CPED1: variants seen among roughly 807,000 people sequenced by gnomAD.
CPED1 encodes cadherin like and PC-esterase domain containing 1.
In CPED1, 114 loss-of-function variants were observed where a neutral mutation model predicts 128.2. That is an observed-to-expected ratio of 0.89 (90% CI 0.76 to 1.04). The LOEUF is 1.04. CPED1 is among the 50% of genes least tolerant of loss of function. CPED1 has a pLI of 0.00. For missense variants in CPED1, 1,211 were observed against 1,207.1 expected, an observed-to-expected ratio of 1.00 and a Z score of -0.05; for synonymous variants, 462 against 426.7, an observed-to-expected ratio of 1.08 and a Z score of -1.02.
At chr7:121,222,247 T>C (rs1355587598) in intron 16 of CPED1, among the ~76,000 whole-genome samples, 1 of 152,206 alleles carries the variant, frequency 6.6e-6, no homozygotes, top group Non-Finnish European at 1.5e-5. Context: ...GTCAGGTTTG[T>C]CAAAAATCAG....
chr7:121,228,586 CAA>C (rs3068082), intron 16 of CPED1, among the ~76,000 whole-genome samples: 3 of 142,866 alleles, frequency 2.1e-5, no homozygotes, highest in African/African-American at 7.7e-5. Context: ...GGAGATTTCT[CAA>C]AAAAAAAAAA....
intron 22 of CPED1, among the ~76,000 whole-genome samples, chr7:121,292,595 C>T (rs1792731047): frequency 6.6e-6 from 1 of 152,042 alleles, no homozygotes; most frequent in Non-Finnish European, 1.5e-5. Flanking sequence ...GGAGAAGAGG[C>T]ATTCTGGTTT....
intron 16 of CPED1, among the ~76,000 whole-genome samples, chr7:121,202,965 A>G (rs1797433651): frequency 6.6e-6 from 1 of 152,048 alleles, no homozygotes; most frequent in Non-Finnish European, 1.5e-5. Flanking sequence ...TTTTTCTAGA[A>G]TTATTCCCTC....
At chr7:121,235,706 C>T (rs1247978308) in intron 16 of CPED1, among the ~76,000 whole-genome samples, 6 of 152,068 alleles carry the variant, frequency 3.9e-5, no homozygotes, top group Non-Finnish European at 8.8e-5. Context: ...GTTCCCATGA[C>T]ACATTCAGTA....
chr7:121,271,461 C>T, intron 22 of CPED1, 31 bp downstream of exon 22: 1 of 1,586,428 alleles, frequency 6.3e-7, no homozygotes, highest in Non-Finnish European at 8.6e-7. Context: ...AGTTTTATAG[C>T]TTTTGATCTT....
At chr7:121,122,205 A>T (rs1210799741) in intron 7 of CPED1, among the ~76,000 whole-genome samples, 3 of 134,614 alleles carry the variant, frequency 2.2e-5, no homozygotes, top group African/African-American at 8.5e-5. Context: ...CATTGGTGTG[A>T]TCTCGGATCA....
Position 121,236,747 on chromosome 7 carries a change from T to C in CPED1, c.2089T>C (p.Cys697Arg). 6.2e-7 allele frequency: 1 copy of C among 1,608,164 alleles called. No individual in the cohort carries two copies. Among genetic ancestry groups the C allele is most frequent in the Non-Finnish European group, 8.5e-7 (1 of 1,177,652 alleles). The part of the protein sequence containing the change: ...CGLLIHPEET[C>R]GLQPISSDYI... ...TTTGCTGATTCATCCAGAGGAAACC[T>C]GTGGGTTACAGCCTATTTCTTCTGA... The change falls in exon 17 of 23, where the codon TGT (cysteine) becomes CGT (arginine). Residue 697 changes from cysteine to arginine, a missense_variant. Transcript: ENST00000310396.
intron 22 of CPED1, among the ~76,000 whole-genome samples, chr7:121,272,804 T>A (rs1381863454): frequency 6.6e-6 from 1 of 152,112 alleles, no homozygotes; most frequent in Non-Finnish European, 1.5e-5. Flanking sequence ...TTGGCTCTGC[T>A]GAAGGCTCCT....
In CPED1 at chr7:121,119,530, A is replaced by G. The variant is rs182975328; in HGVS notation, c.919-4801A>G. Among the ~76,000 whole-genome samples the G allele has an allele frequency of 8.4e-3, 1,256 of 149,356 alleles. 5 individuals are homozygous for G. Among genetic ancestry groups the G allele is most frequent in the Non-Finnish European group, 0.013 (850 of 67,386 alleles). On this transcript the variant is annotated intron_variant, in intron 7 of 22. Coordinates refer to ENST00000310396, the MANE Select transcript of CPED1 (RefSeq NM_024913.5). ...GAGGTATTTGGGTTACTTCAGATTCATTTTAAGAGTTTTGGCCGGGCGCGG... is the reference window on the plus strand; with the variant it reads ...GAGGTATTTGGGTTACTTCAGATTCGTTTTAAGAGTTTTGGCCGGGCGCGG...
chr7:121,170,964 C>T (rs1024062632), intron 16 of CPED1, among the ~76,000 whole-genome samples: 1 of 151,822 alleles, frequency 6.6e-6, no homozygotes, highest in African/African-American at 2.4e-5. Context: ...GCAAGAGAAT[C>T]GCTTGAACCT....
At chr7:121,192,875 G>T (rs923602117) in intron 16 of CPED1, among the ~76,000 whole-genome samples, 1 of 152,006 alleles carries the variant, frequency 6.6e-6, no homozygotes, top group South Asian at 2.1e-4. Context: ...GTTTTCTGTT[G>T]AGGAGAAGCA....
chr7:120,990,659 CA>C (rs1255467688), intron 2 of CPED1, among the ~76,000 whole-genome samples: 1 of 151,880 alleles, frequency 6.6e-6, no homozygotes, highest in Non-Finnish European at 1.5e-5. Flanking sequence ...AAAATCCATG[CA>C]AAAAAGATCA....
chr7:121,238,781 A>T (rs918174285), intron 17 of CPED1, among the ~76,000 whole-genome samples: 1 of 150,868 alleles, frequency 6.6e-6, no homozygotes, highest in Admixed American at 6.6e-5. Flanking sequence ...CAGTGTACTC[A>T]TTAATACATC....
intron 16 of CPED1, among the ~76,000 whole-genome samples, chr7:121,224,755 T>C (rs1394986325): frequency 6.6e-6 from 1 of 151,372 alleles, no homozygotes; most frequent in African/African-American, 2.4e-5. Flanking sequence ...GTTTAAAGTC[T>C]ATTTTATCAG....
chr7:121,198,280 A>G (rs565228525), intron 16 of CPED1, among the ~76,000 whole-genome samples: 7 of 152,288 alleles, frequency 4.6e-5, no homozygotes, highest in African/African-American at 1.7e-4. Flanking sequence ...TTATTCAAAT[A>G]TAAGCTTCTG....
At chr7:121,095,991 A>G (rs1424219726) in intron 5 of CPED1, among the ~76,000 whole-genome samples, 6 of 152,110 alleles carry the variant, frequency 3.9e-5, no homozygotes, top group Non-Finnish European at 8.8e-5. Context: ...GACTCTGAAA[A>G]CATAACTCTA....
chr7:121,106,819 C>G (rs537774725), intron 7 of CPED1, among the ~76,000 whole-genome samples: 11 of 152,194 alleles, frequency 7.2e-5, no homozygotes, highest in Non-Finnish European at 1.6e-4. Flanking sequence ...AAATTAATCT[C>G]TGCGGGCTCT....
chr7:121,133,881 G>T lies in CPED1; in HGVS notation c.1636G>T (p.Glu546Ter). 1 of 1,574,656 alleles carries T rather than the reference G, an allele frequency of 6.4e-7. No individual in the cohort carries two copies. Among genetic ancestry groups the T allele is most frequent in the Non-Finnish European group, 8.7e-7 (1 of 1,152,148 alleles). ...EKPQVPFDAI[E>*]NKKAAVPQIK... ...ACCACAAGTGCCATTTGATGCAATAGAAAATAAAAAAGGTAAAAATATAGA... is the reference window on the plus strand; with the variant it reads ...ACCACAAGTGCCATTTGATGCAATATAAAATAAAAAAGGTAAAAATATAGA... Residue 546 changes from glutamate to a stop codon, truncating the protein, a stop_gained, in exon 13 of 23, where the codon GAA becomes TAA. Coordinates refer to ENST00000310396, the MANE Select transcript of CPED1 (RefSeq NM_024913.5). LOFTEE classifies it high-confidence loss of function.
chr7:121,005,589 G>A (rs758534495), intron 2 of CPED1, among the ~76,000 whole-genome samples: 1 of 152,006 alleles, frequency 6.6e-6, no homozygotes, highest in Non-Finnish European at 1.5e-5. Flanking sequence ...GATGGTACAT[G>A]TATACCTATG....
Sources: gnomAD v4.1 joint callset for allele counts (sites outside exome capture counted in the v4.1 genomes callset) on GRCh38, gnomAD v4.1.1 for gene constraint, MANE v1.5 for transcripts, NCBI Gene and HGNC (gene_info 2026-07-23, HGNC 2026-07-21) for gene names.